Variants in DNHD1 observed in about 807,000 individuals in gnomAD.
DNHD1 encodes the protein dynein heavy chain domain-containing protein 1.
In DNHD1, 383 loss-of-function variants were observed where a neutral mutation model predicts 458.1. The ratio of observed to expected loss-of-function variants is 0.84; its 90% CI spans 0.77 to 0.91. The LOEUF (loss-of-function observed/expected upper bound fraction) is 0.91. DNHD1 is among the 40% of genes least tolerant of loss of function. The pLI, the probability that DNHD1 is intolerant of heterozygous loss-of-function variation, is 0.00. For missense variants in DNHD1, 5,336 were observed against 5,866.1 expected (o/e 0.91, Z 2.95); for synonymous variants, 2,203 against 2,376.9 (o/e 0.93, Z 2.13).
At position 6,567,413 on chromosome 11, in the gene DNHD1, C is replaced by T; in HGVS notation, c.11904C>T (p.Val3968=). The change falls in exon 36 of 43, where the codon GTC becomes GTT. Residue 3968 remains valine (V), a synonymous_variant. Coordinates refer to ENST00000254579, the MANE Select transcript of DNHD1 (RefSeq NM_144666.3). ...GACTAGCAGCCTCTCCCAGCACAGT[C>T]CACAGCAAGCCAGTCTCAGATGTGG... ...WPGLAASPST[V]HSKPVSDVAR... is the part of the protein sequence containing the mutation. The T allele has an allele frequency of 1.2e-6, 2 of 1,613,404 alleles. No individual in the cohort carries two copies. Among genetic ancestry groups the T allele is most frequent in the Non-Finnish European group, 1.7e-6 (2 of 1,179,598 alleles).
intron 14 of DNHD1, 123 bp from the exon 15 acceptor site, chr11:6,538,260 C>G: frequency 1.3e-6 from 1 of 754,718 alleles, no homozygotes; most frequent in Non-Finnish European, 2.2e-6. Context: ...TCCACCTCCC[C>G]CACCCCCAAC....
Position 6,547,967 on chromosome 11 carries a change from A to G in DNHD1, c.6832A>G (p.Arg2278Gly), listed in dbSNP as rs767447558. Residue 2278 changes from arginine to glycine, a missense_variant, in exon 22 of 43, where the codon AGG becomes GGG. Transcript: ENST00000254579. Reference sequence around the variant, plus strand: ...CAGTGACGATGTGCCAGATAAGTGCAGGGAACACTTGCTGGCTGTCAGCAG... The same window carrying G: ...CAGTGACGATGTGCCAGATAAGTGCGGGGAACACTTGCTGGCTGTCAGCAG... ...VDSDDVPDKC[R>G]EHLLAVSSFL... 3.2e-6 allele frequency: 5 copies of G among 1,551,758 alleles called. No individual in the cohort carries two copies. Among genetic ancestry groups the G allele is most frequent in the Non-Finnish European group, 4.4e-6 (5 of 1,147,050 alleles).
At chr11:6,534,487 A>G (rs900435161) in intron 14 of DNHD1, among the ~76,000 whole-genome samples, 3 of 152,192 alleles carry the variant, frequency 2.0e-5, no homozygotes, top group South Asian at 4.1e-4. Context: ...AGTTCTCCTT[A>G]TAGAACGTAG....
intron 18 of DNHD1, among the ~76,000 whole-genome samples, chr11:6,543,428 T>C (rs1853139648): frequency 6.6e-6 from 1 of 152,182 alleles, no homozygotes; most frequent in African/African-American, 2.4e-5. Context: ...TGGGCATTCT[T>C]GCTATAGAAA....
Position 6,534,089 on chromosome 11 carries a change from C to T in DNHD1, c.2914C>T (p.His972Tyr), listed in dbSNP as rs954752415. The T allele has an allele frequency of 1.3e-6, 2 of 1,551,468 alleles. No individual in the cohort carries two copies. Among genetic ancestry groups the T allele is most frequent in the African/African-American group, 2.7e-5 (2 of 73,008 alleles). ...CACACAAGATCAGAGGAGTACTGAGCACCAGCTCGTCTCCCTAGAGCGTCA... is the reference window on the plus strand; with the variant it reads ...CACACAAGATCAGAGGAGTACTGAGTACCAGCTCGTCTCCCTAGAGCGTCA... ...DPTQDQRSTE[H>Y]QLVSLERQFQ... Residue 972 changes from histidine to tyrosine, a missense_variant, in exon 14 of 43, where the codon CAC becomes TAC. This residue lies in a region of DNHD1 where 3,932 missense variants were observed against 4,365.6 expected (regional missense o/e 0.90). Coordinates refer to ENST00000254579, the MANE Select transcript of DNHD1 (RefSeq NM_144666.3).
At chr11:6,529,267 G>T (rs1852778209) in intron 12 of DNHD1, 146 bp downstream of exon 12, 1 of 885,842 alleles carries the variant, frequency 1.1e-6, no homozygotes, top group African/African-American at 1.7e-5. Context: ...CGAGGTCCCA[G>T]GCCCTTTCCT....
At chr11:6,532,328 G>A (rs1852842479) in intron 12 of DNHD1, among the ~76,000 whole-genome samples, 1 of 152,092 alleles carries the variant, frequency 6.6e-6, no homozygotes, top group Non-Finnish European at 1.5e-5. Context: ...GGTATCATAT[G>A]GGTGTTATCC....
At chr11:6,558,398 T>C (rs550860558) in intron 25 of DNHD1, 87 bp from the exon 26 acceptor site, 84 of 1,536,424 alleles carry the variant, frequency 5.5e-5, no homozygotes, top group African/African-American at 4.0e-4. Context: ...GCTGAGAAGA[T>C]TGGGGCTAAG....
At position 6,547,444 on chromosome 11, in the gene DNHD1, C is replaced by T. The variant is rs965112210; in HGVS notation, c.6505C>T (p.Arg2169Cys). The T allele has an allele frequency of 7.1e-6, 11 of 1,551,632 alleles. No individual in the cohort carries two copies. The highest frequency in any genetic ancestry group is 4.9e-5 in the East Asian group (2 of 40,906). Residue 2169 changes from arginine (R) to cysteine (C), a missense_variant, in exon 21 of 43, where the codon CGC becomes TGC. Transcript: ENST00000254579. ...GATGGCATCCCTTCCTTATGAGTAC[C>T]GCCTGCAGCACCGGACAGTCGCTGA... ...ALMASLPYEY[R>C]LQHRTVAELN...
Position 6,563,003 on chromosome 11 carries a change from C to T in DNHD1, c.9541C>T (p.Gln3181Ter). Residue 3181 changes from glutamine to a stop codon, truncating the protein, a stop_gained, in exon 29 of 43, where the codon CAG (glutamine) becomes TAG (stop). Coordinates refer to ENST00000254579, the MANE Select transcript of DNHD1 (RefSeq NM_144666.3). LOFTEE classifies it high-confidence loss of function. ...GCAGAGTCTCAGCATGTTTCAGCAG[C>T]AGCTAGAGCAAAGCAAGCTCCTATA... ...SGKSLSMFQQ[Q>*]LEQSKLLYKQ... is the part of the protein sequence containing the mutation. The T allele has an allele frequency of 6.4e-7, 1 of 1,551,668 alleles. No homozygotes were observed. Among genetic ancestry groups the T allele is most frequent in the Non-Finnish European group, 8.7e-7 (1 of 1,146,966 alleles).
chr11:6,528,821 C>A, intron 11 of DNHD1, 34 bp downstream of exon 11: 1 of 1,550,022 alleles, frequency 6.5e-7, no homozygotes, highest in East Asian at 2.4e-5. Context: ...AGGGCGCTGC[C>A]CACCAATTCC....
chr11:6,563,039 C>G lies in DNHD1; in HGVS notation c.9577C>G (p.Leu3193Val), dbSNP rs1853616850. 8 of 1,551,738 alleles carry G rather than the reference C, an allele frequency of 5.2e-6. No homozygotes were observed. The highest frequency in any genetic ancestry group is 4.1e-5 in the African/African-American group (3 of 73,170). Residue 3193 changes from leucine to valine, a missense_variant, in exon 29 of 43, where the codon CTG (leucine) becomes GTG (valine). Around this residue, in one of 4 missense-constraint regions of DNHD1, gnomAD observed 3,932 missense variants for 4,365.6 expected, o/e 0.90. Transcript: ENST00000254579. ...AAGCAAGCTCCTATACAAGCAGCAG[C>G]TGGAAGAGTGTCGGCATCAAGAGAA... ...EQSKLLYKQQLEECRHQENLI... is the reference protein window; with the variant it reads ...EQSKLLYKQQVEECRHQENLI...
At chr11:6,543,696 AC>A (rs771934048) in intron 18 of DNHD1, among the ~76,000 whole-genome samples, 3 of 152,050 alleles carry the variant, frequency 2.0e-5, no homozygotes, top group Non-Finnish European at 4.4e-5. Context: ...ATGGTGGCTT[AC>A]ACCTGTAATC....
intron 10 of DNHD1, chr11:6,521,001 CT>C: frequency 2.5e-6 from 1 of 408,114 alleles, no homozygotes; most frequent in Non-Finnish European, 3.3e-6. Flanking sequence ...GAACCTGTGT[CT>C]TTTACAAATT....
chr11:6,506,386 G>A (rs1174619352), intron 4 of DNHD1, among the ~76,000 whole-genome samples: 2 of 152,128 alleles, frequency 1.3e-5, no homozygotes, highest in Non-Finnish European at 2.9e-5. Context: ...GTTCTCTGAT[G>A]TGTTATACAG....
At chr11:6,555,288 A>C (rs993724338) in intron 24 of DNHD1, among the ~76,000 whole-genome samples, 5 of 151,932 alleles carry the variant, frequency 3.3e-5, no homozygotes, top group African/African-American at 1.2e-4. Context: ...ATGAGGATGG[A>C]GGACTGATCT....
Position 6,498,226 on chromosome 11 carries a change from A to C in DNHD1, c.11A>C (p.Glu4Ala). The C allele has an allele frequency of 6.2e-7, 1 of 1,611,594 alleles. No homozygotes were observed. The highest frequency in any genetic ancestry group is 8.5e-7 in the Non-Finnish European group (1 of 1,178,078). The change falls in exon 3 of 43, where the codon GAG becomes GCG. Residue 4 changes from glutamate (E) to alanine (A), a missense_variant. Glu to Ala is a moderately radical substitution (Grantham distance 107, BLOSUM62 -1). Around this residue, in one of 4 missense-constraint regions of DNHD1, gnomAD observed 3,932 missense variants for 4,365.6 expected, o/e 0.90. Transcript: ENST00000254579. ...AATGCCCAGCTCCTCATGGTCCCGG[A>C]GGAGAGGAGGGTAGGTTTGTCTTCT... is the stretch of plus-strand genomic sequence containing the variant. MVP[E>A]ERRVGLSSDE...
intron 14 of DNHD1, among the ~76,000 whole-genome samples, chr11:6,536,230 T>C (rs1302021169): frequency 6.6e-6 from 1 of 152,062 alleles, no homozygotes; most frequent in South Asian, 2.1e-4. Context: ...TAAAAGAAAC[T>C]AAGAGACATG....
chr11:6,571,068 G>A lies in DNHD1; in HGVS notation c.13556G>A (p.Arg4519His), dbSNP rs574327505. 17 of 1,582,026 alleles carry A rather than the reference G, an allele frequency of 1.1e-5. 1 individual carries two copies. The Admixed American group carries it at 1.7e-4, about 16-fold the overall frequency. The change falls in exon 42 of 43, where the codon CGC (arginine) becomes CAC (histidine). Residue 4519 changes from arginine to histidine, a missense_variant. Physicochemically the swap from Arg to His is conservative, Grantham distance 29. Coordinates refer to ENST00000254579, the MANE Select transcript of DNHD1 (RefSeq NM_144666.3). This position sits in a 1 kb window ranked among gnomAD's most constrained non-coding sequence, Gnocchi z 5.0. ...QLKGAPPCPS[R>H]RCAAVAHALW... ...AAGGGCGCACCCCCGTGCCCCTCCC[G>A]CCGCTGTGCTGCGGTGGCCCACGCT...
Sources: allele counts gnomAD v4.1 joint callset (sites outside exome capture counted in the v4.1 genomes callset), GRCh38; gene constraint gnomAD v4.1.1; regional missense constraint gnomAD v4.1.1; non-coding constraint Gnocchi (gnomAD v3.1); transcripts MANE v1.5; gene names NCBI Gene and HGNC (gene_info 2026-07-23, HGNC 2026-07-21).